The following SLC22A25 variants were observed in gnomAD, a reference collection of about 807,000 sequenced individuals.
SLC22A25 encodes MGI:2442751, MGI:2385316, MGI:3042283, MGI:3645714, MGI:3605624, MGI:2442750.
A neutral mutation model predicts 45.9 loss-of-function variants in SLC22A25; 44 were observed. That is an observed-to-expected ratio of 0.96 (90% confidence interval 0.75 to 1.23). The LOEUF (loss-of-function observed/expected upper bound fraction) is 1.23, where lower values mean the gene tolerates loss of function less well. Among genes scored for constraint, SLC22A25 ranks in the 50% most tolerant of loss-of-function variants. SLC22A25 has a pLI of 0.00. For missense variants in SLC22A25, 800 were observed against 666.4 expected, an observed-to-expected ratio of 1.20 and a Z score of -2.21; for synonymous variants, 283 against 238.6, an observed-to-expected ratio of 1.19 and a Z score of -1.72.
chr11:63,168,992 G>A (rs573244760), intron 9 of SLC22A25, among the ~76,000 whole-genome samples: 3 of 152,294 alleles, frequency 2.0e-5, no homozygotes, highest in African/African-American at 7.2e-5. Flanking sequence ...CTACAATCCA[G>A]AAGAGAGTGA....
chr11:63,182,474 C>A (rs962317021), intron 8 of SLC22A25, among the ~76,000 whole-genome samples: 3 of 148,642 alleles, frequency 2.0e-5, no homozygotes, highest in Non-Finnish European at 4.5e-5. Flanking sequence ...AAGAATTACA[C>A]TATATATATA....
At chr11:63,228,419 T>C (rs994707374) in intron 5 of SLC22A25, 42 bp downstream of exon 5, 3 of 1,410,986 alleles carry the variant, frequency 2.1e-6, no homozygotes, top group Non-Finnish European at 3.0e-6. Flanking sequence ...CATGAATTGA[T>C]GAAAATACCC....
intron 9 of SLC22A25, among the ~76,000 whole-genome samples, chr11:63,174,064 C>G (rs10897380): frequency 0.34 from 51,878 of 151,754 alleles, 9,247 homozygotes; most frequent in East Asian, 0.56. Flanking sequence ...CCACCACCCC[C>G]TGACAGGCCC....
In SLC22A25 at chr11:63,166,170, C is replaced by T. The variant is rs1316220263; in HGVS notation, c.1159G>A (p.Ala387Thr). Reference sequence around the variant, plus strand: ...ACACAATTGGCCAGGAGGGTGACTGCACCAAAGAGAGTCTGCAACAGGAAA... The same window carrying T: ...ACACAATTGGCCAGGAGGGTGACTGTACCAAAGAGAGTCTGCAACAGGAAA... ...NVFLLQTLFG[A>T]VTLLANCVAP... The change falls in exon 10 of 12, where the codon GCA (alanine) becomes ACA (threonine). Residue 387 changes from alanine (A) to threonine (T), a missense_variant. By Grantham distance (58) the Ala-to-Thr change is moderately conservative. Coordinates refer to ENST00000306494, the MANE Select transcript of SLC22A25 (RefSeq NM_199352.6). 2 of 1,614,026 alleles carry T rather than the reference C, an allele frequency of 1.2e-6. No homozygotes were observed. The highest frequency in any genetic ancestry group is 1.7e-6 in the Non-Finnish European group (2 of 1,179,966).
rs540119745 is a variant in SLC22A25, at chr11:63,192,024, A to G, written c.831-8207T>C. Among the ~76,000 whole-genome samples the G allele has an allele frequency of 3.3e-5, 5 of 152,316 alleles. No individual in the cohort carries two copies. In the East Asian group the frequency reaches 7.7e-4, roughly 24 times the overall value. ...CACAAGAAGATCATCTTCAAAACAC[A>G]TAATATTCAGGTTCTCCAAGGTTGA... is the stretch of plus-strand genomic sequence containing the variant. On this transcript the variant is annotated intron_variant, in intron 7 of 11. Transcript: ENST00000306494.
At chr11:63,187,546 T>G (rs1472967070) in intron 7 of SLC22A25, among the ~76,000 whole-genome samples, 3 of 152,204 alleles carry the variant, frequency 2.0e-5, no homozygotes, top group Non-Finnish European at 4.4e-5. Flanking sequence ...TTCCTTCTCC[T>G]GCCTGATTGC....
chr11:63,189,426 G>A (rs1481052207), intron 7 of SLC22A25, among the ~76,000 whole-genome samples: 5 of 151,898 alleles, frequency 3.3e-5, no homozygotes, highest in Non-Finnish European at 5.9e-5. Context: ...TTTATTTTGA[G>A]CCTATCTTTG....
intron 5 of SLC22A25, among the ~76,000 whole-genome samples, chr11:63,223,857 T>C (rs2089903594): frequency 6.6e-6 from 1 of 152,110 alleles, no homozygotes; most frequent in African/African-American, 2.4e-5. Context: ...ATTTCCTTCT[T>C]AATCTATTCA....
chr11:63,164,158 T>A (rs1176371824), intron 11 of SLC22A25, 85 bp from the exon 12 acceptor site: 3 of 1,490,042 alleles, frequency 2.0e-6, no homozygotes, highest in Admixed American at 2.3e-5. Context: ...TGATTATGGA[T>A]GAGCACTTAA....
intron 7 of SLC22A25, among the ~76,000 whole-genome samples, chr11:63,216,092 G>A (rs2089703224): frequency 6.6e-6 from 1 of 152,058 alleles, no homozygotes; most frequent in African/African-American, 2.4e-5. Flanking sequence ...TTCAAAAGAA[G>A]ACACACATAT....
chr11:63,218,732 G>T (rs1465174641), intron 5 of SLC22A25, among the ~76,000 whole-genome samples: 1 of 152,076 alleles, frequency 6.6e-6, no homozygotes, highest in East Asian at 1.9e-4. Flanking sequence ...ATTTTCAGGG[G>T]AGGGTTAAAA....
intron 7 of SLC22A25, among the ~76,000 whole-genome samples, chr11:63,195,386 G>T (rs1230924717): frequency 6.6e-6 from 1 of 152,080 alleles, no homozygotes; most frequent in Non-Finnish European, 1.5e-5. Flanking sequence ...TAAAAGAACA[G>T]AAATCACAAC....
intron 9 of SLC22A25, among the ~76,000 whole-genome samples, chr11:63,173,854 A>G (rs896316379): frequency 3.3e-5 from 5 of 149,474 alleles, no homozygotes; most frequent in Admixed American, 6.7e-5. Context: ...TATGCTTTCC[A>G]TTGGAAGAAC....
At chr11:63,190,962 G>A (rs1027446860) in intron 7 of SLC22A25, among the ~76,000 whole-genome samples, 1 of 152,184 alleles carries the variant, frequency 6.6e-6, no homozygotes, top group East Asian at 1.9e-4. Flanking sequence ...CCCCTACTGG[G>A]GGCTGCCTCC....
chr11:63,161,438 G>C lies in SLC22A25; in HGVS notation c.*2386C>G, dbSNP rs115193533. 0.022 allele frequency among the ~76,000 whole-genome samples: 3,318 copies of C among 152,204 alleles called. 126 individuals are homozygous for C. Among genetic ancestry groups the C allele is most frequent in the African/African-American group, 0.076 (3,143 of 41,504 alleles). ...AGGGGCAGAATGATATGGTTTGACT[G>C]TGTCCGCCTACCCAATCTCATCTTG... On this transcript the variant is annotated 3_prime_UTR_variant, in exon 12 of 12. Transcript: ENST00000306494.
At position 63,229,231 on chromosome 11, in the gene SLC22A25, A is replaced by G; in HGVS notation, c.402+20T>C. On this transcript the variant is annotated intron_variant, in intron 4 of 11. Transcript: ENST00000306494. ...AACAGCCAGGTCATGTACACAAGAG[A>G]GGAAAATGAGGCCTCTTACCTTAGT... 1 of 1,503,106 alleles carries G rather than the reference A, an allele frequency of 6.7e-7. No homozygotes were observed. The highest frequency in any genetic ancestry group is 8.9e-7 in the Non-Finnish European group (1 of 1,124,320). The allele number at this position is 1,503,106 out of a possible 1,614,324, so 93.1% of individuals were successfully genotyped here. A position where few individuals can be genotyped will look rare whatever the true frequency, so the allele number is the denominator to read the frequency against.
chr11:63,170,464 AT>A (rs1315086193), intron 9 of SLC22A25, among the ~76,000 whole-genome samples: 1 of 152,184 alleles, frequency 6.6e-6, no homozygotes, highest in African/African-American at 2.4e-5. Flanking sequence ...AATAGACACA[AT>A]AAAAAATGAT....
At chr11:63,170,477 T>C (rs958363009) in intron 9 of SLC22A25, among the ~76,000 whole-genome samples, 1 of 151,824 alleles carries the variant, frequency 6.6e-6, no homozygotes, top group East Asian at 1.9e-4. Flanking sequence ...AAAAATGATA[T>C]AGGGGATATC....
chr11:63,196,353 T>A (rs2089029975), intron 7 of SLC22A25, among the ~76,000 whole-genome samples: 1 of 152,152 alleles, frequency 6.6e-6, no homozygotes, highest in Admixed American at 6.5e-5. Context: ...GCAAAAATCC[T>A]CAGTAAAATA....
Sources: gnomAD v4.1 joint callset for allele counts (sites outside exome capture counted in the v4.1 genomes callset) on GRCh38, gnomAD v4.1.1 for gene constraint, MANE v1.5 for transcripts, NCBI Gene and HGNC (gene_info 2026-07-23, HGNC 2026-07-21) for gene names.